PCDH15: variants seen among roughly 807,000 people sequenced by gnomAD.
The protein encoded by PCDH15 is protocadherin related 15.
In PCDH15, 129 loss-of-function variants were observed where a neutral mutation model predicts 178.5. The ratio of observed to expected loss-of-function variants is 0.72; its 90% CI spans 0.63 to 0.84. The LOEUF (loss-of-function observed/expected upper bound fraction) is 0.84, where lower values mean the gene tolerates loss of function less well. Ranked by LOEUF, PCDH15 falls within the 40% of genes least tolerant of loss-of-function variation. The probability of loss-of-function intolerance (pLI) is 0.00; values close to 1 mark genes in which losing one functional copy is unlikely to be tolerated. For missense variants in PCDH15, 2,230 were observed against 2,099.9 expected, an observed-to-expected ratio of 1.06 and a Z score of -1.21; for synonymous variants, 800 against 732.0, an observed-to-expected ratio of 1.09 and a Z score of -1.50.
intron 3 of PCDH15, among the ~76,000 whole-genome samples, chr10:54,825,863 G>A (rs937747346): frequency 2.6e-5 from 4 of 151,876 alleles, no homozygotes; most frequent in Non-Finnish European, 5.9e-5. Flanking sequence ...TTATTAACAC[G>A]ATCCATAGTG....
chr10:54,535,954 G>A (rs1174721044), intron 2 of PCDH15, among the ~76,000 whole-genome samples: 2 of 152,056 alleles, frequency 1.3e-5, no homozygotes, highest in East Asian at 1.9e-4. Context: ...TACCACATGA[G>A]TTAGAAACTG....
At chr10:54,323,141 TG>T (rs1190548052) in intron 7 of PCDH15, among the ~76,000 whole-genome samples, 1 of 151,942 alleles carries the variant, frequency 6.6e-6, no homozygotes, top group Non-Finnish European at 1.5e-5. Flanking sequence ...ATCAGGGAAA[TG>T]CAAATCAAAA....
In PCDH15 at chr10:54,989,963, TA is replaced by T. The variant is rs540988933; in HGVS notation, c.-79-92464del. Among the ~76,000 whole-genome samples, 14 of 152,228 alleles carry T rather than the reference TA, an allele frequency of 9.2e-5. No homozygotes were observed. In the East Asian group the frequency reaches 2.7e-3, roughly 29 times the overall value. Reference sequence around the variant, plus strand: ...TAAGTCTCACAGGATCTGATGGTTTTAAAAAGGGGAGTTCCCCTGCACAAGC... The same window carrying T: ...TAAGTCTCACAGGATCTGATGGTTTTAAAAGGGGAGTTCCCCTGCACAAGC... On this transcript the variant is annotated intron_variant, in intron 2 of 5. Coordinates refer to the PCDH15 transcript ENST00000458638.
chr10:54,026,737 C>T lies in PCDH15; in HGVS notation c.2221-3540G>A, dbSNP rs567709471. Among the ~76,000 whole-genome samples, 12 of 152,294 alleles carry T rather than the reference C, an allele frequency of 7.9e-5. No individual in the cohort carries two copies. In the South Asian group the frequency reaches 8.3e-4, roughly 11 times the overall value. The stretch of plus-strand genomic sequence containing the variant: ...AGAAAAAGCGTTTGACAAAATTCAA[C>T]GACACTTCATGCTAAAAACTCTCAA... On this transcript the variant is annotated intron_variant, in intron 18 of 37. Coordinates refer to ENST00000644397, the MANE Select transcript of PCDH15 (RefSeq NM_001384140.1).
chr10:53,874,113 A>T (rs1014665357), intron 26 of PCDH15, among the ~76,000 whole-genome samples: 1 of 152,152 alleles, frequency 6.6e-6, no homozygotes, highest in Non-Finnish European at 1.5e-5. Flanking sequence ...TACTGATGGG[A>T]GCTTTCATTT....
At position 54,248,783 on chromosome 10, in the gene PCDH15, T is replaced by C. The variant is rs150094790; in HGVS notation, c.877-11852A>G. On this transcript the variant is annotated intron_variant, in intron 8 of 37. Transcript: ENST00000644397. ...ATAACAACAAACAGACATTCAAGCA[T>C]GTGTACTTTGATCCAAGTATCAAAT... Among the ~76,000 whole-genome samples, 1,289 of 152,196 alleles carry C rather than the reference T, an allele frequency of 8.5e-3. 24 individuals carry two copies. The highest frequency in any genetic ancestry group is 0.03 in the African/African-American group (1,246 of 41,554).
At chr10:55,097,633 A>C (rs1842477102) in intron 2 of PCDH15, among the ~76,000 whole-genome samples, 1 of 152,240 alleles carries the variant, frequency 6.6e-6, no homozygotes, top group African/African-American at 2.4e-5. Context: ...GAGCACACTT[A>C]AGATTCACAA....
chr10:54,408,884 T>C (rs896597883), intron 3 of PCDH15, among the ~76,000 whole-genome samples: 2 of 152,144 alleles, frequency 1.3e-5, no homozygotes, highest in African/African-American at 2.4e-5. Context: ...ATCTGGATCA[T>C]GGGAAAGGCA....
chr10:54,691,514 G>A (rs2095119867), intron 1 of PCDH15, among the ~76,000 whole-genome samples: 1 of 151,770 alleles, frequency 6.6e-6, no homozygotes. Context: ...CATTAATTGT[G>A]AAAGCTTTCT....
At chr10:54,908,594 C>T (rs997490093) in intron 2 of PCDH15, among the ~76,000 whole-genome samples, 3 of 152,230 alleles carry the variant, frequency 2.0e-5, no homozygotes, top group African/African-American at 4.8e-5. Context: ...TTAGCTCTAA[C>T]ATTTGCCTTG....
intron 18 of PCDH15, among the ~76,000 whole-genome samples, chr10:54,056,434 T>G (rs1216976145): frequency 6.6e-6 from 1 of 152,096 alleles, no homozygotes; most frequent in African/African-American, 2.4e-5. Flanking sequence ...AGAAGGTGAA[T>G]GAGGAGCAAA....
chr10:54,021,210 A>T (rs772719501), intron 19 of PCDH15, among the ~76,000 whole-genome samples: 49 of 152,058 alleles, frequency 3.2e-4, no homozygotes, highest in Non-Finnish European at 5.6e-4. Context: ...TAGAATGGCT[A>T]TTTCACTCAG....
intron 2 of PCDH15, among the ~76,000 whole-genome samples, chr10:54,625,741 A>G (rs2093527643): frequency 6.6e-6 from 1 of 152,112 alleles, no homozygotes; most frequent in African/African-American, 2.4e-5. Context: ...ACAGACTAAT[A>G]CAGTAAATTG....
At chr10:55,147,997 C>G (rs76717530) in intron 2 of PCDH15, among the ~76,000 whole-genome samples, 3,763 of 151,908 alleles carry the variant, frequency 0.025, 51 homozygotes, top group African/African-American at 0.028. Flanking sequence ...GGAAAATACC[C>G]TTTCTTCCTC....
chr10:53,851,248 A>T (rs1262205861), intron 28 of PCDH15, among the ~76,000 whole-genome samples: 1 of 151,970 alleles, frequency 6.6e-6, no homozygotes, highest in Non-Finnish European at 1.5e-5. Flanking sequence ...TTTCTACTTG[A>T]TACTTGTATT....
rs981706540 is a variant in PCDH15, at chr10:54,302,714, T to C, written c.876+14557A>G. Among the ~76,000 whole-genome samples, 10 of 152,206 alleles carry C rather than the reference T, an allele frequency of 6.6e-5. No individual in the cohort carries two copies. The South Asian group carries it at 2.1e-3, about 32-fold the overall frequency. Reference sequence around the variant, plus strand: ...CAGACTAAAACAAATGTTTACTCTGTTGTGATCAGATAGTTTATATAACTT... The same window carrying C: ...CAGACTAAAACAAATGTTTACTCTGCTGTGATCAGATAGTTTATATAACTT... On this transcript the variant is annotated intron_variant, in intron 8 of 37. Transcript: ENST00000644397.
intron 2 of PCDH15, among the ~76,000 whole-genome samples, chr10:55,533,300 A>G (rs1363833913): frequency 6.6e-6 from 1 of 152,078 alleles, no homozygotes; most frequent in African/African-American, 2.4e-5. Context: ...CTCTACCTTT[A>G]CTGATGACAT....
At chr10:54,332,310 A>AT (rs1564989315) in intron 6 of PCDH15, among the ~76,000 whole-genome samples, 1 of 75,264 alleles carries the variant, frequency 1.3e-5, no homozygotes, top group Non-Finnish European at 2.8e-5. Context: ...ATTATTATAT[A>AT]TAATATAATA....
chr10:54,998,404 G>GA (rs1435372147), intron 2 of PCDH15, among the ~76,000 whole-genome samples: 4 of 151,610 alleles, frequency 2.6e-5, no homozygotes. Context: ...ATAAAAAAAA[G>GA]AAAAATGTAG....
Sources: allele counts gnomAD v4.1 joint callset (sites outside exome capture counted in the v4.1 genomes callset), GRCh38; gene constraint gnomAD v4.1.1; transcripts MANE v1.5; gene names NCBI Gene and HGNC (gene_info 2026-07-23, HGNC 2026-07-21).